Variants in KATNA1 observed in about 807,000 individuals in gnomAD.
The protein encoded by KATNA1 is katanin p60 ATPase-containing subunit A1.
Under a neutral mutation model 62.6 loss-of-function variants are expected in KATNA1, and 42 were observed. That is an observed-to-expected ratio of 0.67 (90% CI 0.52 to 0.87). KATNA1 has a LOEUF of 0.87. KATNA1 is among the 40% of genes least tolerant of loss of function. KATNA1 has a pLI of 0.00. For synonymous variants in KATNA1, 186 were observed against 201.9 expected (o/e 0.92, Z 0.67); for missense variants, 498 against 612.5 (o/e 0.81, Z 1.97).
At chr6:149,602,553 T>C (rs1778585787) in intron 6 of KATNA1, among the ~76,000 whole-genome samples, 1 of 152,094 alleles carries the variant, frequency 6.6e-6, no homozygotes, top group Admixed American at 6.6e-5. Context: ...AGCCCATGAC[T>C]TTAAAAAGTA....
intron 3 of KATNA1, among the ~76,000 whole-genome samples, chr6:149,626,489 T>G (rs1582791741): frequency 6.9e-6 from 1 of 145,824 alleles, no homozygotes; most frequent in Admixed American, 6.9e-5. Context: ...AGAGACGGGG[T>G]TTCACCGTGG....
At chr6:149,620,201 G>T (rs186070549) in intron 4 of KATNA1, among the ~76,000 whole-genome samples, 121 of 152,286 alleles carry the variant, frequency 7.9e-4, no homozygotes, top group African/African-American at 2.9e-3. Flanking sequence ...AGGGGAAGGT[G>T]GGTGTATCAG....
chr6:149,623,866 AT>A (rs1298209690), intron 3 of KATNA1, among the ~76,000 whole-genome samples: 17 of 152,346 alleles, frequency 1.1e-4, no homozygotes, highest in African/African-American at 4.1e-4. Flanking sequence ...TAGAAAGGAA[AT>A]TGTTGTATAT....
At chr6:149,601,162 A>T (rs1274740821) in intron 7 of KATNA1, among the ~76,000 whole-genome samples, 1 of 152,186 alleles carries the variant, frequency 6.6e-6, no homozygotes, top group Non-Finnish European at 1.5e-5. Flanking sequence ...AAAGAACCTA[A>T]TCCAAAGATT....
rs138958185 is a variant in KATNA1, at chr6:149,627,989, G to C, written c.321-4706C>G. On this transcript the variant is annotated intron_variant, in intron 3 of 10. Transcript: ENST00000367411. Reference sequence around the variant, plus strand: ...GAAAACTCTGGGTTTTATTCTGTGAGATGGGAAGATATTTGAGGGACATCA... The same window carrying C: ...GAAAACTCTGGGTTTTATTCTGTGACATGGGAAGATATTTGAGGGACATCA... 4.7e-4 allele frequency among the ~76,000 whole-genome samples: 72 copies of C among 152,086 alleles called. 1 individual carries two copies. The highest frequency in any genetic ancestry group is 1.7e-3 in the East Asian group (9 of 5,186).
chr6:149,597,116 A>G lies in KATNA1; in HGVS notation c.1224T>C (p.Ser408=). The G allele has an allele frequency of 6.2e-7, 1 of 1,614,104 alleles. No individual in the cohort carries two copies. The highest frequency in any genetic ancestry group is 1.3e-5 in the African/African-American group (1 of 75,060). Residue 408 remains serine (S), a synonymous_variant, in exon 10 of 11, where the codon AGT becomes AGC. Transcript: ENST00000367411. ...LELADDVDLA[S]IAENMEGYSG... is the part of the protein sequence containing the mutation. ...AATAACCTTCCATGTTTTCTGCTAT[A>G]CTTGCAAGGTCAACATCATCAGCCA... is the stretch of plus-strand genomic sequence containing the variant.
intron 1 of KATNA1, among the ~76,000 whole-genome samples, chr6:149,642,332 C>T (rs1184865732): frequency 6.6e-6 from 1 of 152,084 alleles, no homozygotes; most frequent in Non-Finnish European, 1.5e-5. Context: ...TGCAATCTGG[C>T]AGTACTTGGG....
At chr6:149,615,539 C>T (rs1254109044) in intron 4 of KATNA1, among the ~76,000 whole-genome samples, 2 of 152,016 alleles carry the variant, frequency 1.3e-5, no homozygotes, top group African/African-American at 2.4e-5. Context: ...GACAGATAGG[C>T]ATATAAAGAC....
intron 4 of KATNA1, among the ~76,000 whole-genome samples, chr6:149,615,503 G>A (rs75080427): frequency 1.3e-5 from 2 of 151,852 alleles, no homozygotes; most frequent in East Asian, 1.9e-4. Flanking sequence ...CATCCCCGGC[G>A]AGTAATGTAG....
intron 3 of KATNA1, among the ~76,000 whole-genome samples, chr6:149,629,768 ACATACCAGT>A (rs1164236463): frequency 4.6e-5 from 7 of 152,170 alleles, no homozygotes; most frequent in Admixed American, 4.6e-4. Flanking sequence ...TATATAGGTT[ACATACCAGT>A]CAGAACAGTG....
At chr6:149,598,145 A>G in intron 8 of KATNA1, 79 bp downstream of exon 8, 1 of 1,511,870 alleles carries the variant, frequency 6.6e-7, no homozygotes, top group Admixed American at 1.9e-5. Flanking sequence ...CACTATGAGT[A>G]AAGTTTGACC....
chr6:149,603,886 C>T (rs747171608), intron 5 of KATNA1, among the ~76,000 whole-genome samples: 7 of 152,180 alleles, frequency 4.6e-5, no homozygotes, highest in Non-Finnish European at 7.3e-5. Context: ...ATACCTACTA[C>T]TACTGCTACA....
At chr6:149,610,796 A>G (rs910737392) in intron 4 of KATNA1, among the ~76,000 whole-genome samples, 2 of 152,112 alleles carry the variant, frequency 1.3e-5, no homozygotes, top group African/African-American at 2.4e-5. Context: ...CTGTAATCCC[A>G]GCACTTTGGG....
chr6:149,616,016 C>T (rs1425715868), intron 4 of KATNA1, among the ~76,000 whole-genome samples: 1 of 152,138 alleles, frequency 6.6e-6, no homozygotes, highest in South Asian at 2.1e-4. Flanking sequence ...CATAAGTAGC[C>T]GAATTCACAG....
intron 3 of KATNA1, among the ~76,000 whole-genome samples, chr6:149,629,707 T>C (rs985819098): frequency 2.0e-5 from 3 of 152,186 alleles, no homozygotes; most frequent in Non-Finnish European, 1.5e-5. Flanking sequence ...TGCAACTTTA[T>C]TTATAATAAT....
chr6:149,614,393 C>G (rs914086402), intron 4 of KATNA1, among the ~76,000 whole-genome samples: 1 of 152,176 alleles, frequency 6.6e-6, no homozygotes, highest in African/African-American at 2.4e-5. Context: ...TCCCCCATCC[C>G]CTTCATTTTT....
Position 149,595,165 on chromosome 6 carries a change from G to A in KATNA1, c.1347C>T (p.Ser449=). The change falls in exon 11 of 11, where the codon TCC becomes TCT. Residue 449 remains serine, a synonymous_variant. Transcript: ENST00000367411. ...TTGTAGGCATGTGCATTTCTTCTTT[G>A]GAAAGATTTCGGATTTCCTCTGGAG... The part of the protein sequence containing the change: ...GLTPEEIRNL[S]KEEMHMPTTM... 1.2e-6 allele frequency: 2 copies of A among 1,613,950 alleles called. No individual in the cohort carries two copies. Among genetic ancestry groups the A allele is most frequent in the Middle Eastern group, 1.7e-4 (1 of 6,058 alleles).
chr6:149,610,955 C>T (rs185302839), intron 4 of KATNA1, among the ~76,000 whole-genome samples: 77 of 152,262 alleles, frequency 5.1e-4, no homozygotes, highest in African/African-American at 1.8e-3. Flanking sequence ...CGTGGTGTTC[C>T]ACGCCTATAG....
intron 4 of KATNA1, among the ~76,000 whole-genome samples, chr6:149,620,173 C>T (rs1399992616): frequency 1.3e-5 from 2 of 152,086 alleles, no homozygotes; most frequent in Non-Finnish European, 2.9e-5. Context: ...ATAATGGTTA[C>T]TAGAGGCTGG....
Sources: allele counts gnomAD v4.1 joint callset (sites outside exome capture counted in the v4.1 genomes callset), GRCh38; gene constraint gnomAD v4.1.1; transcripts MANE v1.5; gene names NCBI Gene and HGNC (gene_info 2026-07-23, HGNC 2026-07-21).